The following WBP1L variants were observed in gnomAD, a reference collection of about 807,000 sequenced individuals.
The protein encoded by WBP1L is WW domain binding protein 1-like.
In WBP1L, 17 loss-of-function variants were observed where a neutral mutation model predicts 33.7. That is an observed-to-expected ratio of 0.50 (90% confidence interval 0.34 to 0.76). The LOEUF is 0.76. Ranked by LOEUF, WBP1L falls within the 30% of genes least tolerant of loss-of-function variation. The probability of loss-of-function intolerance (pLI) is 0.01; values close to 1 mark genes in which losing one functional copy is unlikely to be tolerated. For synonymous variants in WBP1L, 173 were observed against 190.8 expected, an observed-to-expected ratio of 0.91 and a Z score of 0.77; for missense variants, 389 against 469.4, an observed-to-expected ratio of 0.83 and a Z score of 1.58.
chr10:102,746,218 T>C (rs1842862961), intron 1 of WBP1L: 1 of 959,806 alleles, frequency 1.0e-6, no homozygotes, highest in Non-Finnish European at 1.2e-6. Flanking sequence ...TATATTCTAA[T>C]TGCAGTTTGC....
chr10:102,760,730 C>G (rs1321101384), intron 1 of WBP1L, among the ~76,000 whole-genome samples: 1 of 152,078 alleles, frequency 6.6e-6, no homozygotes, highest in Non-Finnish European at 1.5e-5. Flanking sequence ...GCCAGCCATT[C>G]TGTGATAAGA....
intron 2 of WBP1L, among the ~76,000 whole-genome samples, chr10:102,809,608 A>G (rs535426996): frequency 1.3e-5 from 2 of 152,020 alleles, no homozygotes; most frequent in African/African-American, 4.8e-5. Context: ...CCTGACCTCA[A>G]GTGATCCACC....
At chr10:102,788,826 A>G (rs1251090666) in intron 1 of WBP1L, among the ~76,000 whole-genome samples, 2 of 152,236 alleles carry the variant, frequency 1.3e-5, no homozygotes, top group East Asian at 1.9e-4. Context: ...GGCTCAAGGT[A>G]AAGAATAAGT....
chr10:102,795,810 T>A (rs879785241), intron 1 of WBP1L, among the ~76,000 whole-genome samples: 1 of 152,186 alleles, frequency 6.6e-6, no homozygotes, highest in Non-Finnish European at 1.5e-5. Context: ...CTTTCTGATG[T>A]TTTTATGAAA....
chr10:102,803,854 C>T (rs1843694539), intron 2 of WBP1L: 1 of 152,042 alleles, frequency 6.6e-6, no homozygotes, highest in Non-Finnish European at 1.5e-5. Context: ...GCCTTGTCCT[C>T]CCAAAGTGCT....
chr10:102,768,646 C>T lies in WBP1L; in HGVS notation c.90+24503C>T, dbSNP rs1161651096. On this transcript the variant is annotated intron_variant, in intron 1 of 3. Coordinates refer to ENST00000448841, the MANE Select transcript of WBP1L (RefSeq NM_001083913.2). ...CCTCATGATCCACCCGCCTCGGCCT[C>T]CCAAAGTGCTGGGATTACAGGCGTG... Among the ~76,000 whole-genome samples the T allele has an allele frequency of 5.2e-5, 2 of 38,616 alleles. 1 individual carries two copies. Among genetic ancestry groups the T allele is most frequent in the Admixed American group, 5.3e-4 (2 of 3,770 alleles). 25.3% of individuals were successfully genotyped at this position (38,616 alleles called of 152,430 possible). A position where few individuals can be genotyped will look rare whatever the true frequency, so the allele number is the denominator to read the frequency against.
chr10:102,761,649 G>C (rs1387878837), intron 1 of WBP1L, among the ~76,000 whole-genome samples: 1 of 151,996 alleles, frequency 6.6e-6, no homozygotes, highest in African/African-American at 2.4e-5. Flanking sequence ...GTGGAGACAG[G>C]GTTTAACTGT....
rs772028988 is a variant in WBP1L, at chr10:102,798,141, A to G, written c.193+46A>G. The G allele has an allele frequency of 2.6e-5, 40 of 1,538,536 alleles. No homozygotes were observed. The Admixed American group carries it at 6.5e-4, about 25-fold the overall frequency. Reference sequence around the variant, plus strand: ...CTCTCAGTATCCCAGGGTCCCAGTTACTGCCTCTGCTTAGTGGGAAACTCT... The same window carrying G: ...CTCTCAGTATCCCAGGGTCCCAGTTGCTGCCTCTGCTTAGTGGGAAACTCT... On this transcript the variant is annotated intron_variant, in intron 2 of 3. Coordinates refer to ENST00000448841, the MANE Select transcript of WBP1L (RefSeq NM_001083913.2).
chr10:102,753,952 A>G (rs1359569099), intron 1 of WBP1L, among the ~76,000 whole-genome samples: 1 of 152,208 alleles, frequency 6.6e-6, no homozygotes, highest in African/African-American at 2.4e-5. Flanking sequence ...TGGAGAAAAT[A>G]TTCGTATTTT....
intron 1 of WBP1L, among the ~76,000 whole-genome samples, chr10:102,784,717 G>A (rs1051517786): frequency 2.0e-5 from 3 of 151,504 alleles, no homozygotes; most frequent in South Asian, 2.1e-4. Flanking sequence ...GAGCCACCGC[G>A]CCCGGCGAAT....
At chr10:102,801,089 A>AGC (rs1175172184) in intron 2 of WBP1L, among the ~76,000 whole-genome samples, 2 of 152,280 alleles carry the variant, frequency 1.3e-5, no homozygotes, top group African/African-American at 4.8e-5. Context: ...CAGACACACA[A>AGC]GCACACATAG....
chr10:102,781,498 G>C (rs1393410173), intron 1 of WBP1L, among the ~76,000 whole-genome samples: 1 of 152,110 alleles, frequency 6.6e-6, no homozygotes, highest in East Asian at 1.9e-4. Flanking sequence ...CTTGGTGTCT[G>C]TCTGCCCCTG....
chr10:102,805,454 T>C (rs943619816), intron 2 of WBP1L, among the ~76,000 whole-genome samples: 3 of 151,964 alleles, frequency 2.0e-5, no homozygotes, highest in Non-Finnish European at 4.4e-5. Context: ...TTTTTTTTTT[T>C]AGAGATGGGA....
In WBP1L at chr10:102,743,971, A is replaced by G. The variant is rs1035554245; in HGVS notation, c.-83A>G. On this transcript the variant is annotated 5_prime_UTR_variant, in exon 1 of 4. Coordinates refer to ENST00000448841, the MANE Select transcript of WBP1L (RefSeq NM_001083913.2). ...GCGTCAAACAGGAAAAGAAGGGAAG[A>G]AGGAAGAAGAGGGTAGAGGAGGAGA... is the stretch of plus-strand genomic sequence containing the variant. 2.1e-5 allele frequency: 22 copies of G among 1,070,062 alleles called. No homozygotes were observed. The highest frequency in any genetic ancestry group is 2.8e-5 in the Non-Finnish European group (21 of 737,588). The allele number at this position is 1,070,062 out of a possible 1,614,324, so 66.3% of individuals were successfully genotyped here. A position where few individuals can be genotyped will look rare whatever the true frequency, so the allele number is the denominator to read the frequency against.
chr10:102,807,881 A>G (rs376170759), intron 2 of WBP1L, among the ~76,000 whole-genome samples: 151 of 152,126 alleles, frequency 9.9e-4, no homozygotes, highest in African/African-American at 3.5e-3. Context: ...AAAGCTAGCC[A>G]AAGTAAAATT....
intron 1 of WBP1L, among the ~76,000 whole-genome samples, chr10:102,754,807 C>T (rs1023297153): frequency 1.3e-5 from 2 of 151,964 alleles, no homozygotes; most frequent in African/African-American, 2.4e-5. Context: ...TGGGCTAAAG[C>T]GATTCTCCTG....
intron 1 of WBP1L, among the ~76,000 whole-genome samples, chr10:102,763,891 G>A (rs895730124): frequency 6.6e-6 from 1 of 152,170 alleles, no homozygotes; most frequent in Non-Finnish European, 1.5e-5. Context: ...TCGACTCACT[G>A]CAACCTCTGC....
intron 1 of WBP1L, among the ~76,000 whole-genome samples, chr10:102,784,723 C>T (rs1272819313): frequency 1.3e-5 from 2 of 151,756 alleles, no homozygotes; most frequent in East Asian, 3.9e-4. Context: ...CCGCGCCCGG[C>T]GAATTTTTTA....
At chr10:102,760,609 C>T (rs1247908282) in intron 1 of WBP1L, among the ~76,000 whole-genome samples, 1 of 151,920 alleles carries the variant, frequency 6.6e-6, no homozygotes, top group Non-Finnish European at 1.5e-5. Flanking sequence ...CTCCTGAGCT[C>T]AGGTGATCGC....
Sources: gnomAD v4.1 joint callset for allele counts (sites outside exome capture counted in the v4.1 genomes callset) on GRCh38, gnomAD v4.1.1 for gene constraint, MANE v1.5 for transcripts, NCBI Gene and HGNC (gene_info 2026-07-23, HGNC 2026-07-21) for gene names.